The following GMDS variants were observed in gnomAD, a reference collection of about 807,000 sequenced individuals.
GMDS encodes GDP-mannose 4,6-dehydratase, also known as GDP-mannose 4,6 dehydratase.
In GMDS, 20 loss-of-function variants were observed where a neutral mutation model predicts 49.9. That is an observed-to-expected ratio of 0.40 (90% CI 0.28 to 0.58). The LOEUF is 0.58. Ranked by LOEUF, GMDS falls within the 20% of genes least tolerant of loss-of-function variation. The pLI is 0.42. For missense variants in GMDS, 362 were observed against 481.4 expected, an observed-to-expected ratio of 0.75 and a Z score of 2.32; for synonymous variants, 177 against 178.6, an observed-to-expected ratio of 0.99 and a Z score of 0.07.
chr6:2,236,363 C>A (rs949545602), intron 1 of GMDS, among the ~76,000 whole-genome samples: 1 of 152,248 alleles, frequency 6.6e-6, no homozygotes. Flanking sequence ...AAGAAGCTAA[C>A]TTGTTAGCCT....
At chr6:2,231,508 G>C (rs1289222545) in intron 1 of GMDS, among the ~76,000 whole-genome samples, 1 of 152,140 alleles carries the variant, frequency 6.6e-6, no homozygotes, top group Non-Finnish European at 1.5e-5. Context: ...AGGTTGCAGT[G>C]AGCTGAGATG....
At chr6:2,228,887 A>T (rs564058913) in intron 1 of GMDS, among the ~76,000 whole-genome samples, 1 of 152,326 alleles carries the variant, frequency 6.6e-6, no homozygotes, top group Non-Finnish European at 1.5e-5. Flanking sequence ...GCTCCAGTCG[A>T]CAATGGGGCA....
At chr6:1,972,513 A>C (rs1182508633) in intron 4 of GMDS, among the ~76,000 whole-genome samples, 1 of 152,208 alleles carries the variant, frequency 6.6e-6, no homozygotes, top group East Asian at 1.9e-4. Flanking sequence ...TACTTAATGG[A>C]ATTTATTATA....
intron 7 of GMDS, among the ~76,000 whole-genome samples, chr6:1,906,170 T>C (rs1662342155): frequency 6.6e-6 from 1 of 152,236 alleles, no homozygotes; most frequent in Admixed American, 6.5e-5. Flanking sequence ...AGAAGTGCTA[T>C]CACATTTCAA....
chr6:1,753,542 T>C (rs1352146394), intron 7 of GMDS, among the ~76,000 whole-genome samples: 1 of 152,198 alleles, frequency 6.6e-6, no homozygotes, highest in Non-Finnish European at 1.5e-5. Flanking sequence ...GCGGATCTAA[T>C]AGACAGCTAC....
At chr6:2,148,455 T>G (rs1343756653) in intron 1 of GMDS, among the ~76,000 whole-genome samples, 1 of 152,168 alleles carries the variant, frequency 6.6e-6, no homozygotes, top group Admixed American at 6.5e-5. Context: ...AGTTTACCTC[T>G]TGTCGCCCAG....
chr6:1,860,251 A>G (rs1758120976), intron 7 of GMDS, among the ~76,000 whole-genome samples: 1 of 152,240 alleles, frequency 6.6e-6, no homozygotes, highest in Non-Finnish European at 1.5e-5. Context: ...GAAGTTAAAA[A>G]ATAAGTTGAT....
chr6:1,750,783 A>T (rs1050897608), intron 7 of GMDS, among the ~76,000 whole-genome samples: 1 of 152,098 alleles, frequency 6.6e-6, no homozygotes, highest in Non-Finnish European at 1.5e-5. Flanking sequence ...TGCTCAGCAG[A>T]TCCCACCCCC....
intron 8 of GMDS, among the ~76,000 whole-genome samples, chr6:1,730,934 G>A (rs1766776402): frequency 6.6e-6 from 1 of 151,984 alleles, no homozygotes; most frequent in Non-Finnish European, 1.5e-5. Context: ...AAAGCAACGT[G>A]GAGGAAGTAG....
intron 9 of GMDS, among the ~76,000 whole-genome samples, chr6:1,719,345 T>C (rs186512719): frequency 2.0e-4 from 30 of 151,844 alleles, no homozygotes; most frequent in Admixed American, 1.0e-3. Flanking sequence ...GTGAGAAAGG[T>C]GGCGCAGAGC....
At position 2,185,117 on chromosome 6, in the gene GMDS, C is replaced by G. The variant is rs535126732; in HGVS notation, c.102+60204G>C. On this transcript the variant is annotated intron_variant, in intron 1 of 10. Transcript: ENST00000380815. Reference sequence around the variant, plus strand: ...GCCAGCTTTAAACTTAGATTTGACTCCACGGTTTTTCCTGAGTTCTGAAAA... The same window carrying G: ...GCCAGCTTTAAACTTAGATTTGACTGCACGGTTTTTCCTGAGTTCTGAAAA... 2.0e-5 allele frequency among the ~76,000 whole-genome samples: 3 copies of G among 152,344 alleles called. No homozygotes were observed. The East Asian group carries it at 5.8e-4, about 29-fold the overall frequency.
intron 4 of GMDS, among the ~76,000 whole-genome samples, chr6:1,974,571 G>A (rs1337261376): frequency 6.6e-6 from 1 of 152,174 alleles, no homozygotes; most frequent in Non-Finnish European, 1.5e-5. Context: ...GTTTGAGACA[G>A]GCAGGTAGGA....
chr6:1,696,211 G>C (rs1561735954), intron 9 of GMDS, among the ~76,000 whole-genome samples: 1 of 152,206 alleles, frequency 6.6e-6, no homozygotes, highest in Non-Finnish European at 1.5e-5. Flanking sequence ...CTTTGACACT[G>C]AGGAAGTGAC....
intron 4 of GMDS, among the ~76,000 whole-genome samples, chr6:2,099,622 A>G (rs1241348983): frequency 6.6e-6 from 1 of 152,084 alleles, no homozygotes; most frequent in Non-Finnish European, 1.5e-5. Context: ...TCTAGATAAG[A>G]TATCCCCATA....
chr6:2,168,171 C>G (rs1024699700), intron 1 of GMDS, among the ~76,000 whole-genome samples: 2 of 152,178 alleles, frequency 1.3e-5, no homozygotes, highest in African/African-American at 4.8e-5. Flanking sequence ...TGCTCTTTCC[C>G]TTCCTTCCTC....
In GMDS at chr6:1,878,109, C is replaced by T. The variant is rs150339051; in HGVS notation, c.771+51994G>A. On this transcript the variant is annotated intron_variant, in intron 7 of 10. Coordinates refer to ENST00000380815, the MANE Select transcript of GMDS (RefSeq NM_001500.4). ...TGGGCAGATCACGAAGTCAGGAGAT[C>T]GAGACCATCCTGGCTAACATGGTGA... 2.3e-3 allele frequency among the ~76,000 whole-genome samples: 356 copies of T among 152,042 alleles called. 1 individual carries two copies. The highest frequency in any genetic ancestry group is 8.0e-3 in the African/African-American group (330 of 41,468).
At chr6:1,760,511 T>C (rs868743969) in intron 7 of GMDS, among the ~76,000 whole-genome samples, 1 of 151,720 alleles carries the variant, frequency 6.6e-6, no homozygotes. Flanking sequence ...GGAGGAGGAG[T>C]ACTCAGGGTC....
At chr6:1,651,743 C>A (rs1349420232) in intron 9 of GMDS, among the ~76,000 whole-genome samples, 1 of 152,136 alleles carries the variant, frequency 6.6e-6, no homozygotes, top group African/African-American at 2.4e-5. Flanking sequence ...TTAGATAGAC[C>A]CATGAGCCCT....
chr6:2,209,448 G>A (rs1249682207), intron 1 of GMDS, among the ~76,000 whole-genome samples: 1 of 152,164 alleles, frequency 6.6e-6, no homozygotes, highest in African/African-American at 2.4e-5. Flanking sequence ...CCGCACAATA[G>A]GCAGGTGTTA....
Sources: gnomAD v4.1 joint callset for allele counts (sites outside exome capture counted in the v4.1 genomes callset) on GRCh38, gnomAD v4.1.1 for gene constraint, MANE v1.5 for transcripts, NCBI Gene and HGNC (gene_info 2026-07-23, HGNC 2026-07-21) for gene names.